KSR1: variants seen among roughly 807,000 people sequenced by gnomAD.
KSR1 encodes the protein kinase suppressor of ras.
In KSR1, 35 loss-of-function variants were observed where a neutral mutation model predicts 92.9. The ratio of observed to expected loss-of-function variants is 0.38; its 90% CI spans 0.29 to 0.50. The LOEUF is 0.50. KSR1 is among the 20% of genes least tolerant of loss of function. KSR1 has a pLI of 0.94. For missense variants in KSR1, 972 were observed against 1,158.5 expected (o/e 0.84, Z 2.34); for synonymous variants, 467 against 472.6 (o/e 0.99, Z 0.15).
At chr17:27,477,196 G>C (rs1028304103) in intron 1 of KSR1, among the ~76,000 whole-genome samples, 2 of 152,152 alleles carry the variant, frequency 1.3e-5, no homozygotes, top group Non-Finnish European at 2.9e-5. Flanking sequence ...TGGCTTCTTT[G>C]CTGCAACCTG....
At chr17:27,490,583 G>A (rs577877496) in intron 1 of KSR1, among the ~76,000 whole-genome samples, 1 of 152,106 alleles carries the variant, frequency 6.6e-6, no homozygotes, top group Non-Finnish European at 1.5e-5. Flanking sequence ...GCAAAGACCT[G>A]GGGGGTCTTC....
At chr17:27,533,229 A>G (rs2070617710) in intron 1 of KSR1, among the ~76,000 whole-genome samples, 1 of 152,156 alleles carries the variant, frequency 6.6e-6, no homozygotes, top group Non-Finnish European at 1.5e-5. Flanking sequence ...CAATGGGGAT[A>G]GTTGTGATAG....
intron 1 of KSR1, chr17:27,526,635 T>C: frequency 1.9e-6 from 3 of 1,560,582 alleles, no homozygotes; most frequent in Middle Eastern, 1.7e-4. Flanking sequence ...TGCATCTTTT[T>C]TAAAGCACCT....
intron 20 of KSR1, chr17:27,621,802 TTC>T (rs2074230884): frequency 2.3e-6 from 2 of 873,178 alleles, no homozygotes; most frequent in African/African-American, 1.7e-5. Flanking sequence ...GGATGGCCCT[TTC>T]TCTCTGGAAG....
At chr17:27,560,342 C>A in intron 2 of KSR1, 1 of 505,670 alleles carries the variant, frequency 2.0e-6, no homozygotes, top group East Asian at 5.6e-5. Flanking sequence ...CTGAGCAGTT[C>A]TAGCTGGGAG....
At chr17:27,476,995 T>C (rs1407384925) in intron 1 of KSR1, among the ~76,000 whole-genome samples, 1 of 152,196 alleles carries the variant, frequency 6.6e-6, no homozygotes, top group Admixed American at 6.5e-5. Flanking sequence ...GGTTGCCCAT[T>C]TTTATGGTTA....
At chr17:27,489,879 G>A (rs780199314) in intron 1 of KSR1, among the ~76,000 whole-genome samples, 6 of 152,236 alleles carry the variant, frequency 3.9e-5, no homozygotes, top group Non-Finnish European at 5.9e-5. Context: ...GGGCAGCTGC[G>A]TTCTCAAAAA....
intron 18 of KSR1, among the ~76,000 whole-genome samples, chr17:27,613,412 C>T (rs1394121503): frequency 6.6e-6 from 1 of 152,200 alleles, no homozygotes; most frequent in Non-Finnish European, 1.5e-5. Flanking sequence ...AAAGAAACCT[C>T]TCAGCAAAAA....
chr17:27,563,981 CTT>C (rs200904358), intron 2 of KSR1, among the ~76,000 whole-genome samples: 384 of 46,798 alleles, frequency 8.2e-3, no homozygotes, highest in African/African-American at 0.032. Context: ...TATTCGGTAG[CTT>C]TTTTTTTTTT....
chr17:27,466,932 C>T (rs1033637785), intron 1 of KSR1, among the ~76,000 whole-genome samples: 8 of 152,218 alleles, frequency 5.3e-5, no homozygotes, highest in African/African-American at 1.7e-4. Context: ...GTTTCCAAAA[C>T]GAATATCTGT....
At chr17:27,526,255 T>C (rs2070293535) in intron 1 of KSR1, 3 of 592,414 alleles carry the variant, frequency 5.1e-6, no homozygotes, top group Admixed American at 3.4e-5. Context: ...CCTGAAGGAA[T>C]TCTTAAGTTA....
Position 27,577,362 on chromosome 17 carries a change from G to A in KSR1, c.373-130G>A. 1 of 608,604 alleles carries A rather than the reference G, an allele frequency of 1.6e-6. No homozygotes were observed. The highest frequency in any genetic ancestry group is 1.9e-5 in the South Asian group (1 of 51,642). The allele number at this position is 608,604 out of a possible 1,614,324, so 37.7% of individuals were successfully genotyped here. On this transcript the variant is annotated intron_variant, in intron 2 of 20. Transcript: ENST00000644974. This position sits in a 1 kb window ranked among gnomAD's most constrained non-coding sequence, Gnocchi z 4.5. ...CTGCTTGTGTCCCCAAGCACGTGGT[G>A]GCTCTGGTCAGAGGCCGGCCCAGCC...
rs147373905 is a variant in KSR1 at position 27,485,901 on chromosome 17, G to A, written c.231+29027G>A. Among the ~76,000 whole-genome samples, 210 of 152,238 alleles carry A rather than the reference G, an allele frequency of 1.4e-3. 1 individual carries two copies. Among genetic ancestry groups the A allele is most frequent in the African/African-American group, 4.9e-3 (205 of 41,544 alleles). ...GGCTGCTCCCCCGAGGATTGAAAGAGGCTCTGTGTGCAAAGAGCTTAGCTA... is the reference window on the plus strand; with the variant it reads ...GGCTGCTCCCCCGAGGATTGAAAGAAGCTCTGTGTGCAAAGAGCTTAGCTA... On this transcript the variant is annotated intron_variant, in intron 1 of 20. Transcript: ENST00000644974.
At chr17:27,512,659 G>T (rs1204136510) in intron 1 of KSR1, among the ~76,000 whole-genome samples, 2 of 152,194 alleles carry the variant, frequency 1.3e-5, no homozygotes, top group Non-Finnish European at 2.9e-5. Context: ...GGAGGCGGAG[G>T]TTGCAGTGAG....
intron 9 of KSR1, among the ~76,000 whole-genome samples, chr17:27,596,722 C>T (rs1330531532): frequency 3.3e-5 from 5 of 152,234 alleles, no homozygotes; most frequent in Admixed American, 3.3e-4. Flanking sequence ...GTACACCTCT[C>T]GCTTATCATT....
intron 3 of KSR1, among the ~76,000 whole-genome samples, 156 bp from the exon 4 acceptor site, chr17:27,582,490 G>C (rs553635510): frequency 6.6e-6 from 1 of 152,116 alleles, no homozygotes. Context: ...ATGAGTGAGC[G>C]GCCTTTATAA....
intron 17 of KSR1, among the ~76,000 whole-genome samples, chr17:27,610,661 A>G (rs1364516070): frequency 6.6e-6 from 1 of 152,264 alleles, no homozygotes; most frequent in Non-Finnish European, 1.5e-5. Flanking sequence ...TCTAATAGCC[A>G]CATTAAAAAA....
At chr17:27,572,415 T>C (rs2072345752) in intron 2 of KSR1, among the ~76,000 whole-genome samples, 1 of 152,222 alleles carries the variant, frequency 6.6e-6, no homozygotes, top group Admixed American at 6.5e-5. Flanking sequence ...GGTTTGTAGT[T>C]CCATATTTTG....
chr17:27,501,684 A>G (rs1254395149), intron 1 of KSR1, among the ~76,000 whole-genome samples: 1 of 152,144 alleles, frequency 6.6e-6, no homozygotes, highest in Non-Finnish European at 1.5e-5. Flanking sequence ...TTTTTAGTAG[A>G]GATGGGGTTT....
Sources: gnomAD v4.1 joint callset for allele counts (sites outside exome capture counted in the v4.1 genomes callset) on GRCh38, gnomAD v4.1.1 for gene constraint, Gnocchi (gnomAD v3.1) non-coding constraint, MANE v1.5 for transcripts, NCBI Gene and HGNC (gene_info 2026-07-23, HGNC 2026-07-21) for gene names.